TAS2R1: variants seen among roughly 807,000 people sequenced by gnomAD.
TAS2R1 encodes the protein taste 2 receptor member 1.
For synonymous variants in TAS2R1, 141 were observed against 134.2 expected (o/e 1.05, Z -0.35); for missense variants, 370 against 353.4 (o/e 1.05, Z -0.38).
chr5:9,787,787 C>T, the TAS2R1 span, among the ~76,000 whole-genome samples: 2 of 152,206 alleles, frequency 1.3e-5, no homozygotes, highest in African/African-American at 2.4e-5. Flanking sequence ...AGAGTGTCTG[C>T]ACTTGAGTGA....
chr5:9,778,697 A>G, the TAS2R1 span, among the ~76,000 whole-genome samples: 2 of 152,226 alleles, frequency 1.3e-5, no homozygotes. Flanking sequence ...TCATGAATCA[A>G]CCTCTTCTAG....
the TAS2R1 span, among the ~76,000 whole-genome samples, chr5:9,820,954 T>C: frequency 6.6e-6 from 1 of 151,774 alleles, no homozygotes; most frequent in East Asian, 1.9e-4. Context: ...CATGGAAACA[T>C]GAATCCCGGG....
intron 1 of TAS2R1, among the ~76,000 whole-genome samples, chr5:9,671,382 C>T (rs552689224): frequency 6.6e-6 from 1 of 152,146 alleles, no homozygotes; most frequent in Non-Finnish European, 1.5e-5. Context: ...TGATTTACAC[C>T]TAGAAAATCC....
the TAS2R1 span, among the ~76,000 whole-genome samples, chr5:9,880,629 A>C: frequency 7.6e-3 from 968 of 126,584 alleles, 3 homozygotes; most frequent in Non-Finnish European, 0.013. Context: ...TGTGACAACC[A>C]AAAATGTCTC....
At chr5:9,870,993 ACTAGCATTTT>A in the TAS2R1 span, among the ~76,000 whole-genome samples, 1 of 152,232 alleles carries the variant, frequency 6.6e-6, no homozygotes, top group East Asian at 1.9e-4. Context: ...TAAAAAAAGA[ACTAGCATTTT>A]CTACAGTTTT....
the TAS2R1 span, among the ~76,000 whole-genome samples, chr5:9,885,765 G>A: frequency 3.3e-5 from 5 of 152,046 alleles, no homozygotes; most frequent in African/African-American, 1.2e-4. Flanking sequence ...GAGAATACAT[G>A]GCAGCAAATT....
At chr5:9,686,092 T>G (rs1741118666) in intron 1 of TAS2R1, among the ~76,000 whole-genome samples, 1 of 152,222 alleles carries the variant, frequency 6.6e-6, no homozygotes, top group African/African-American at 2.4e-5. Context: ...CTCGAACTCC[T>G]GACCTCAGGA....
At chr5:9,772,755 T>C in the TAS2R1 span, among the ~76,000 whole-genome samples, 1 of 152,146 alleles carries the variant, frequency 6.6e-6, no homozygotes, top group East Asian at 1.9e-4. Flanking sequence ...ATGATATCCT[T>C]TGTGTCTTCT....
chr5:9,647,451 C>G (rs1391911478), intron 2 of TAS2R1, among the ~76,000 whole-genome samples: 1 of 152,106 alleles, frequency 6.6e-6, no homozygotes, highest in East Asian at 1.9e-4. Flanking sequence ...GCTGTGCAAA[C>G]CCCACATACA....
the TAS2R1 span, among the ~76,000 whole-genome samples, chr5:9,887,854 A>C: frequency 3.3e-5 from 5 of 152,220 alleles, no homozygotes; most frequent in African/African-American, 1.2e-4. Context: ...TTTGCCTGAC[A>C]AGAAAAGACA....
At chr5:9,667,535 G>C (rs568806781) in intron 1 of TAS2R1, among the ~76,000 whole-genome samples, 4 of 152,152 alleles carry the variant, frequency 2.6e-5, no homozygotes, top group Admixed American at 6.5e-5. Context: ...TCCCCACTTG[G>C]ACAGTAGATT....
chr5:9,843,995 G>T, the TAS2R1 span, among the ~76,000 whole-genome samples: 1 of 152,174 alleles, frequency 6.6e-6, no homozygotes, highest in Non-Finnish European at 1.5e-5. Context: ...CAACATGCCT[G>T]CCCTCTTCAT....
chr5:9,870,941 C>T, the TAS2R1 span, among the ~76,000 whole-genome samples: 1 of 152,198 alleles, frequency 6.6e-6, no homozygotes, highest in Admixed American at 6.5e-5. Flanking sequence ...CTCAAAATAG[C>T]ATTTATTTGA....
chr5:9,691,531 C>T lies in TAS2R1; in HGVS notation c.-242+20641G>A, dbSNP rs1023602662. ...CCTCACTGCATAGCATCTGCTGCTT[C>T]TCAGCTTCTTGGAAGATGCCAGATG... is the stretch of plus-strand genomic sequence containing the variant. On this transcript the variant is annotated intron_variant, in intron 1 of 2. Transcript: ENST00000506620. 5.9e-5 allele frequency among the ~76,000 whole-genome samples: 9 copies of T among 152,380 alleles called. 2 individuals carry two copies. The highest frequency in any genetic ancestry group is 6.5e-5 in the Admixed American group (1 of 15,308).
the TAS2R1 span, among the ~76,000 whole-genome samples, chr5:9,781,639 A>T: frequency 5.3e-5 from 8 of 152,308 alleles, no homozygotes; most frequent in East Asian, 1.2e-3. Flanking sequence ...CCACTCTGAC[A>T]ACACTGTCCT....
the TAS2R1 span, among the ~76,000 whole-genome samples, chr5:9,888,441 G>A: frequency 6.6e-6 from 1 of 152,140 alleles, no homozygotes; most frequent in East Asian, 1.9e-4. Context: ...AAGCTCCTAC[G>A]AAATAAGGAA....
the TAS2R1 span, among the ~76,000 whole-genome samples, chr5:9,897,219 G>C: frequency 1.3e-5 from 2 of 152,198 alleles, no homozygotes; most frequent in Non-Finnish European, 1.5e-5. Context: ...GGGAGGCCAA[G>C]GTGGGTAGAT....
At chr5:9,859,479 T>A in the TAS2R1 span, among the ~76,000 whole-genome samples, 24 of 152,270 alleles carry the variant, frequency 1.6e-4, no homozygotes, top group African/African-American at 5.8e-4. Context: ...TAAGGTGCAT[T>A]TTGTTCAAAT....
intron 1 of TAS2R1, among the ~76,000 whole-genome samples, chr5:9,690,481 A>C (rs1185061398): frequency 6.6e-6 from 1 of 152,142 alleles, no homozygotes; most frequent in African/African-American, 2.4e-5. Flanking sequence ...TTGCCTTATC[A>C]GTTACTTAAA....
Sources: gnomAD v4.1 joint callset for allele counts (sites outside exome capture counted in the v4.1 genomes callset) on GRCh38, gnomAD v4.1.1 for gene constraint, MANE v1.5 for transcripts, NCBI Gene and HGNC (gene_info 2026-07-23, HGNC 2026-07-21) for gene names.